SLC16A10: variants seen among roughly 807,000 people sequenced by gnomAD.
SLC16A10 encodes the protein monocarboxylate transporter 10.
Under a neutral mutation model 40.0 loss-of-function variants are expected in SLC16A10, and 27 were observed. That is an observed-to-expected ratio of 0.67 (90% CI 0.50 to 0.93). SLC16A10 has a LOEUF of 0.93. Among genes scored for constraint, SLC16A10 ranks in the 40% least tolerant of loss-of-function variants. The pLI is 0.00. For missense variants in SLC16A10, 529 were observed against 658.2 expected (o/e 0.80, Z 2.15); for synonymous variants, 213 against 249.8 (o/e 0.85, Z 1.39).
At position 111,226,768 on chromosome 6, in the gene SLC16A10, G is replaced by A. The variant is rs1197400777; in HGVS notation, c.*4533G>A. 1 of 152,192 alleles carries A rather than the reference G, an allele frequency of 6.6e-6. No homozygotes were observed. Among genetic ancestry groups the A allele is most frequent in the African/African-American group, 2.4e-5 (1 of 41,448 alleles). 9.4% of individuals were successfully genotyped at this position (152,192 alleles called of 1,614,324 possible). On this transcript the variant is annotated 3_prime_UTR_variant, in exon 6 of 6. Coordinates refer to ENST00000368851, the MANE Select transcript of SLC16A10 (RefSeq NM_018593.5). The stretch of plus-strand genomic sequence containing the variant: ...TTGTTATGAAAACAAAACGCAATTT[G>A]TCATTCATAATGGTAATGTGGAATA...
At chr6:111,107,852 T>C (rs1362653942) in intron 1 of SLC16A10, among the ~76,000 whole-genome samples, 1 of 152,190 alleles carries the variant, frequency 6.6e-6, no homozygotes, top group Non-Finnish European at 1.5e-5. Flanking sequence ...ATTTGCTTAT[T>C]GTGTGTGTTT....
intron 4 of SLC16A10, among the ~76,000 whole-genome samples, chr6:111,214,804 C>A (rs756358900): frequency 2.0e-5 from 3 of 152,024 alleles, no homozygotes; most frequent in Non-Finnish European, 4.4e-5. Context: ...GGACAACTTG[C>A]AGTCAGGGAA....
chr6:111,134,105 A>G (rs1221167251), intron 1 of SLC16A10, among the ~76,000 whole-genome samples: 1 of 152,224 alleles, frequency 6.6e-6, no homozygotes, highest in Non-Finnish European at 1.5e-5. Flanking sequence ...GGTCAATGAT[A>G]GGATGACAAC....
At chr6:111,110,421 G>A (rs899778908) in intron 1 of SLC16A10, among the ~76,000 whole-genome samples, 4 of 151,706 alleles carry the variant, frequency 2.6e-5, no homozygotes, top group Non-Finnish European at 5.9e-5. Context: ...GGGAGGAGGT[G>A]AAGTTACTAA....
At chr6:111,182,015 T>C (rs1406472882) in intron 3 of SLC16A10, among the ~76,000 whole-genome samples, 6 of 152,260 alleles carry the variant, frequency 3.9e-5, no homozygotes, top group South Asian at 4.1e-4. Flanking sequence ...TCGTTTTTTT[T>C]TGAGACGGAG....
chr6:111,139,092 C>CTTCTTTTTTTTTTT (rs202229156), intron 1 of SLC16A10, among the ~76,000 whole-genome samples: 6 of 118,886 alleles, frequency 5.0e-5, no homozygotes, highest in South Asian at 2.7e-4. Context: ...TCTTCTTCTT[C>CTTCTTTTTTTTTTT]TTTTTTTTTT....
At chr6:111,218,744 A>G (rs1262193231) in intron 4 of SLC16A10, 70 bp from the exon 5 acceptor site, 1 of 1,299,446 alleles carries the variant, frequency 7.7e-7, no homozygotes, top group East Asian at 2.3e-5. Flanking sequence ...TAGAAGTCCT[A>G]AGCATGTTGC....
At chr6:111,120,812 T>C (rs1156979894) in intron 1 of SLC16A10, among the ~76,000 whole-genome samples, 1 of 152,206 alleles carries the variant, frequency 6.6e-6, no homozygotes, top group Non-Finnish European at 1.5e-5. Context: ...GTGGAGTGCT[T>C]AGTGTGTGTT....
intron 4 of SLC16A10, among the ~76,000 whole-genome samples, chr6:111,211,017 C>T (rs1431172315): frequency 1.7e-5 from 2 of 119,350 alleles, no homozygotes; most frequent in South Asian, 3.4e-4. Context: ...AGTGAGACTC[C>T]GTCTCAAAAA....
chr6:111,207,515 A>G (rs543919209), intron 4 of SLC16A10, among the ~76,000 whole-genome samples: 96 of 152,338 alleles, frequency 6.3e-4, no homozygotes, highest in Non-Finnish European at 1.1e-3. Context: ...AATGCTGAAG[A>G]CTTAAGTGAA....
At chr6:111,174,739 G>A (rs1772648064) in intron 2 of SLC16A10, among the ~76,000 whole-genome samples, 1 of 152,168 alleles carries the variant, frequency 6.6e-6, no homozygotes, top group Non-Finnish European at 1.5e-5. Context: ...CTTGCCGAAT[G>A]TATTACAACT....
At chr6:111,150,331 A>G (rs917775542) in intron 1 of SLC16A10, among the ~76,000 whole-genome samples, 4 of 152,218 alleles carry the variant, frequency 2.6e-5, no homozygotes, top group African/African-American at 9.6e-5. Context: ...GTAAGAAATA[A>G]AAGTTTTTTC....
At chr6:111,217,919 A>G (rs1284109825) in intron 4 of SLC16A10, among the ~76,000 whole-genome samples, 1 of 152,184 alleles carries the variant, frequency 6.6e-6, no homozygotes, top group African/African-American at 2.4e-5. Flanking sequence ...CAAGGGTAGG[A>G]ACGAAATCTT....
chr6:111,168,873 A>G (rs1772531050), intron 1 of SLC16A10, among the ~76,000 whole-genome samples: 1 of 152,170 alleles, frequency 6.6e-6, no homozygotes, highest in African/African-American at 2.4e-5. Context: ...GCATTTTATG[A>G]GGACTCTTGA....
Position 111,131,725 on chromosome 6 carries a change from A to C in SLC16A10, c.344-40970A>C, listed in dbSNP as rs113610478. ...CTGTCTGGAACCAGCTTCCACTTTC[A>C]GTTTTCCTGGGGAAGCTGAGGGCCG... On this transcript the variant is annotated intron_variant, in intron 1 of 5. Transcript: ENST00000368851. Among the ~76,000 whole-genome samples the C allele has an allele frequency of 2.6e-3, 388 of 152,126 alleles. 2 individuals carry two copies. Among genetic ancestry groups the C allele is most frequent in the African/African-American group, 8.8e-3 (367 of 41,490 alleles).
At chr6:111,140,582 T>TGGAGGTATGTCAGTGGAGGC (rs1295122333) in intron 1 of SLC16A10, among the ~76,000 whole-genome samples, 18 of 152,212 alleles carry the variant, frequency 1.2e-4, no homozygotes, top group African/African-American at 4.1e-4. Flanking sequence ...CCTATGTCTA[T>TGGAGGTATGTCAGTGGAGGC]GGAGGTATGT....
chr6:111,124,610 G>A (rs190151762), intron 1 of SLC16A10, among the ~76,000 whole-genome samples: 3 of 152,248 alleles, frequency 2.0e-5, no homozygotes, highest in Admixed American at 6.5e-5. Context: ...CCATCTGCCC[G>A]CCTTGGCCTT....
intron 1 of SLC16A10, among the ~76,000 whole-genome samples, chr6:111,163,820 T>A (rs990341723): frequency 1.3e-5 from 2 of 152,182 alleles, no homozygotes; most frequent in Non-Finnish European, 2.9e-5. Flanking sequence ...CAAAAATTTT[T>A]AAAAAGGTAA....
chr6:111,118,196 A>T (rs924322360), intron 1 of SLC16A10, among the ~76,000 whole-genome samples: 1 of 152,262 alleles, frequency 6.6e-6, no homozygotes, highest in Non-Finnish European at 1.5e-5. Flanking sequence ...GAGCTTTATT[A>T]TTCAAACCAT....
Sources: gnomAD v4.1 joint callset for allele counts (sites outside exome capture counted in the v4.1 genomes callset) on GRCh38, gnomAD v4.1.1 for gene constraint, MANE v1.5 for transcripts, NCBI Gene and HGNC (gene_info 2026-07-23, HGNC 2026-07-21) for gene names.